PLB1: variants seen among roughly 807,000 people sequenced by gnomAD.
PLB1 encodes phospholipase B1, membrane-associated.
A neutral mutation model predicts 227.4 loss-of-function variants in PLB1; 242 were observed. The observed-to-expected ratio is 1.06, with a 90% CI of 0.96 to 1.18. The LOEUF (loss-of-function observed/expected upper bound fraction) is 1.18. PLB1 is among the 50% of genes most tolerant of loss of function. The probability of loss-of-function intolerance (pLI) is 0.00; values close to 1 mark genes in which losing one functional copy is unlikely to be tolerated. For missense variants in PLB1, 1,858 were observed against 1,816.3 expected (o/e 1.02, Z -0.42); for synonymous variants, 757 against 682.2 (o/e 1.11, Z -1.71).
At chr2:28,604,908 G>C in intron 41 of PLB1, 149 bp downstream of exon 41, 1 of 696,958 alleles carries the variant, frequency 1.4e-6, no homozygotes, top group East Asian at 2.8e-5. Flanking sequence ...CTGAACGCCT[G>C]AGCCACATCC....
At chr2:28,550,569 C>A (rs1382927267) in intron 16 of PLB1, among the ~76,000 whole-genome samples, 1 of 146,154 alleles carries the variant, frequency 6.8e-6, no homozygotes, top group African/African-American at 2.6e-5. Flanking sequence ...GGGACAGAAT[C>A]TCGCTATGTC....
At chr2:28,544,498 C>T (rs1447300682) in intron 14 of PLB1, among the ~76,000 whole-genome samples, 1 of 152,200 alleles carries the variant, frequency 6.6e-6, no homozygotes, top group African/African-American at 2.4e-5. Flanking sequence ...CACCTTGTAC[C>T]CTGCCCTTGT....
Position 28,538,336 on chromosome 2 carries a change from C to A in PLB1, c.573C>A (p.Gly191=). ...TCTCACAGAATGGGCTTGCGGCGGG[C>A]GGCGTGGATGAGCTGATGGGGGTGC... ...PSAQQNGLAA[G]GVDELMGVLD... is the part of the protein sequence containing the mutation. The change falls in exon 10 of 58, where the codon GGC becomes GGA. Residue 191 remains glycine, a synonymous_variant. Coordinates refer to ENST00000327757, the MANE Select transcript of PLB1 (RefSeq NM_153021.5). The A allele has an allele frequency of 6.2e-7, 1 of 1,611,128 alleles. No homozygotes were observed. Among genetic ancestry groups the A allele is most frequent in the Non-Finnish European group, 8.5e-7 (1 of 1,179,330 alleles).
intron 25 of PLB1, among the ~76,000 whole-genome samples, chr2:28,583,950 A>G (rs1558830582): frequency 6.6e-6 from 1 of 152,214 alleles, no homozygotes; most frequent in Non-Finnish European, 1.5e-5. Context: ...GTCAGGAATA[A>G]GACGTTCCTC....
At chr2:28,638,382 G>A (rs76619737) in intron 56 of PLB1, among the ~76,000 whole-genome samples, 1,729 of 152,232 alleles carry the variant, frequency 0.011, 30 homozygotes, top group African/African-American at 0.04. Flanking sequence ...AATGTGACCA[G>A]AGGGAAGTGA....
intron 17 of PLB1, among the ~76,000 whole-genome samples, chr2:28,558,452 T>C (rs1675502564): frequency 6.6e-6 from 1 of 152,204 alleles, no homozygotes; most frequent in South Asian, 2.1e-4. Flanking sequence ...GAAAAGGTCT[T>C]ATTTTTTGTT....
chr2:28,522,403 G>C (rs908221231), intron 4 of PLB1, among the ~76,000 whole-genome samples: 4 of 152,030 alleles, frequency 2.6e-5, no homozygotes, highest in Non-Finnish European at 5.9e-5. Flanking sequence ...GGTCAGGGTG[G>C]GGGTGGAGGG....
At chr2:28,631,686 G>A (rs200230741) in intron 54 of PLB1, among the ~76,000 whole-genome samples, 1 of 152,156 alleles carries the variant, frequency 6.6e-6, no homozygotes, top group Non-Finnish European at 1.5e-5. Context: ...GTGAGAGGAG[G>A]GGAGGACTTT....
chr2:28,632,241 C>G, intron 55 of PLB1, 101 bp downstream of exon 55: 1 of 936,554 alleles, frequency 1.1e-6, no homozygotes, highest in Non-Finnish European at 1.6e-6. Flanking sequence ...TTTTAACCAT[C>G]TCTCTCCAAG....
At chr2:28,574,950 A>G (rs1367628470) in intron 21 of PLB1, among the ~76,000 whole-genome samples, 1 of 152,194 alleles carries the variant, frequency 6.6e-6, no homozygotes, top group Non-Finnish European at 1.5e-5. Context: ...ATATCTTTGC[A>G]ATTGCAAATT....
rs1679579210 is a variant in PLB1, at chr2:28,579,626, G to A, written c.1486-1G>A. The A allele has an allele frequency of 6.2e-7, 1 of 1,609,964 alleles. No individual in the cohort carries two copies. Among genetic ancestry groups the A allele is most frequent in the Middle Eastern group, 1.7e-4 (1 of 6,054 alleles). ...TACTTCTGTGTTTCTATTCATTTCAGAGGATACACTTTCAGGAAGACTGGA... is the reference window on the plus strand; with the variant it reads ...TACTTCTGTGTTTCTATTCATTTCAAAGGATACACTTTCAGGAAGACTGGA... On this transcript the variant is annotated splice_acceptor_variant, in intron 22 of 57. Transcript: ENST00000327757. LOFTEE classifies it high-confidence loss of function.
chr2:28,588,200 C>T (rs79759120), intron 26 of PLB1, among the ~76,000 whole-genome samples: 9,876 of 152,250 alleles, frequency 0.065, 384 homozygotes, highest in Non-Finnish European at 0.084. Flanking sequence ...TATTTCTTTC[C>T]ACTGCCAAAA....
intron 47 of PLB1, 26 bp downstream of exon 47, chr2:28,620,358 T>A: frequency 6.4e-7 from 1 of 1,558,906 alleles, no homozygotes; most frequent in Non-Finnish European, 8.8e-7. Flanking sequence ...ATGCATGCTC[T>A]ATTGATGATG....
At chr2:28,567,075 T>A (rs1184438090) in intron 20 of PLB1, among the ~76,000 whole-genome samples, 3 of 151,582 alleles carry the variant, frequency 2.0e-5, no homozygotes, top group African/African-American at 4.9e-5. Flanking sequence ...CGGGGAGGTG[T>A]CAAAAAGAAA....
chr2:28,620,615 G>C lies in PLB1; in HGVS notation c.3399G>C (p.Gly1133=), dbSNP rs1180528539. Residue 1133 remains glycine, a synonymous_variant, in exon 48 of 58, where the codon GGG becomes GGC. Transcript: ENST00000327757. The part of the protein sequence containing the change: ...RGLSWSIGGD[G]NLETHTTLPN... ...TCCTCCCCAGCATTGGAGGGGATGGGAACTTGGAGACTCACACCACACTGC... is the reference window on the plus strand; with the variant it reads ...TCCTCCCCAGCATTGGAGGGGATGGCAACTTGGAGACTCACACCACACTGC... The C allele has an allele frequency of 1.1e-5, 18 of 1,613,736 alleles. No individual in the cohort carries two copies. Among genetic ancestry groups the C allele is most frequent in the Non-Finnish European group, 1.5e-5 (18 of 1,179,924 alleles).
chr2:28,565,444 G>A, intron 19 of PLB1, 91 bp downstream of exon 19: 2 of 1,175,992 alleles, frequency 1.7e-6, no homozygotes, highest in Non-Finnish European at 1.2e-6. Context: ...GCCTTAAGCA[G>A]AAGGGTGGGC....
intron 20 of PLB1, among the ~76,000 whole-genome samples, chr2:28,570,028 A>G (rs892497411): frequency 6.6e-6 from 1 of 152,046 alleles, no homozygotes; most frequent in South Asian, 2.1e-4. Context: ...AAAGAGATTG[A>G]ATTAATAATT....
At chr2:28,595,913 T>G (rs1682829203) in intron 33 of PLB1, 2 of 151,946 alleles carry the variant, frequency 1.3e-5, no homozygotes, top group Non-Finnish European at 1.5e-5. Context: ...CCTTGACCTG[T>G]GAGATTCTGT....
At chr2:28,555,863 C>CTTTTTTT (rs57277349) in intron 17 of PLB1, among the ~76,000 whole-genome samples, 19 of 128,162 alleles carry the variant, frequency 1.5e-4, no homozygotes, top group Non-Finnish European at 1.5e-4. Flanking sequence ...AGTTACTTTC[C>CTTTTTTT]TTTTTTTTTT....
Sources: allele counts gnomAD v4.1 joint callset (sites outside exome capture counted in the v4.1 genomes callset), GRCh38; gene constraint gnomAD v4.1.1; transcripts MANE v1.5; gene names NCBI Gene and HGNC (gene_info 2026-07-23, HGNC 2026-07-21).